EYS: variants seen among roughly 807,000 people sequenced by gnomAD.
EYS encodes protein eyes shut homolog.
Under a neutral mutation model 282.1 loss-of-function variants are expected in EYS, and 250 were observed. That is an observed-to-expected ratio of 0.89 (90% CI 0.80 to 0.98). The LOEUF (loss-of-function observed/expected upper bound fraction) is 0.98, where lower values mean the gene tolerates loss of function less well. EYS is among the 50% of genes least tolerant of loss of function. The pLI is 0.00. For missense variants in EYS, 4,016 were observed against 3,709.0 expected, an observed-to-expected ratio of 1.08 and a Z score of -2.15; for synonymous variants, 1,355 against 1,282.9, an observed-to-expected ratio of 1.06 and a Z score of -1.20.
intron 31 of EYS, among the ~76,000 whole-genome samples, chr6:64,216,052 A>C (rs1198087902): frequency 1.3e-5 from 2 of 152,216 alleles, no homozygotes; most frequent in African/African-American, 4.8e-5. Flanking sequence ...CTAGGTTTGG[A>C]TGGCAGGAGG....
intron 31 of EYS, among the ~76,000 whole-genome samples, chr6:64,112,086 T>C (rs182749562): frequency 6.6e-6 from 1 of 152,236 alleles, no homozygotes; most frequent in African/African-American, 2.4e-5. Context: ...TTTCAGGCTT[T>C]ATTTCACCTG....
At chr6:65,271,469 C>T (rs574295619) in intron 12 of EYS, among the ~76,000 whole-genome samples, 11 of 152,076 alleles carry the variant, frequency 7.2e-5, no homozygotes, top group African/African-American at 2.6e-4. Flanking sequence ...CTTTACTCAG[C>T]CCACCAATTC....
intron 18 of EYS, among the ~76,000 whole-genome samples, chr6:64,893,381 T>G (rs370693828): frequency 6.6e-6 from 1 of 152,108 alleles, no homozygotes; most frequent in Admixed American, 6.6e-5. Context: ...CCATGAGGCA[T>G]GTATGTAGTA....
At chr6:65,439,879 T>C (rs1039970388) in intron 5 of EYS, among the ~76,000 whole-genome samples, 3 of 152,046 alleles carry the variant, frequency 2.0e-5, no homozygotes, top group African/African-American at 7.2e-5. Flanking sequence ...TGGATCTATC[T>C]TTAAACAGCA....
At chr6:65,608,266 T>C (rs1463379449) in intron 2 of EYS, among the ~76,000 whole-genome samples, 1 of 152,020 alleles carries the variant, frequency 6.6e-6, no homozygotes, top group Non-Finnish European at 1.5e-5. Context: ...GAGACAACTG[T>C]ATCACATGGT....
chr6:64,318,083 C>T (rs191782485), intron 29 of EYS, among the ~76,000 whole-genome samples: 114 of 151,892 alleles, frequency 7.5e-4, no homozygotes, highest in Admixed American at 1.3e-3. Context: ...AAGTTGATGG[C>T]GGGTTGATGG....
chr6:64,900,157 T>C (rs1242499167), intron 18 of EYS, among the ~76,000 whole-genome samples: 1 of 152,042 alleles, frequency 6.6e-6, no homozygotes. Flanking sequence ...ATAAATAGTG[T>C]TGGGAAAACT....
intron 31 of EYS, among the ~76,000 whole-genome samples, chr6:64,137,029 C>T (rs921277091): frequency 5.9e-5 from 9 of 152,122 alleles, no homozygotes; most frequent in African/African-American, 2.2e-4. Context: ...TTTAGTGTAA[C>T]GACCTTCATC....
intron 8 of EYS, among the ~76,000 whole-genome samples, chr6:65,382,457 C>CTGTGTG (rs55949006): frequency 0.12 from 13,797 of 111,502 alleles, 844 homozygotes; most frequent in Admixed American, 0.19. Flanking sequence ...CTCCTTTCCT[C>CTGTGTG]TGTGTGTGTG....
At chr6:65,168,431 G>C (rs1765026011) in intron 12 of EYS, among the ~76,000 whole-genome samples, 1 of 151,164 alleles carries the variant, frequency 6.6e-6, no homozygotes, top group African/African-American at 2.4e-5. Context: ...CCAAGATCAA[G>C]GCACCAGCAG....
At chr6:65,093,893 T>A (rs1359960887) in intron 12 of EYS, among the ~76,000 whole-genome samples, 1 of 151,736 alleles carries the variant, frequency 6.6e-6, no homozygotes, top group Non-Finnish European at 1.5e-5. Context: ...GAAACCCACC[T>A]TAGCTTTAAG....
intron 22 of EYS, among the ~76,000 whole-genome samples, chr6:64,659,112 G>A (rs1768886441): frequency 6.6e-6 from 1 of 151,896 alleles, no homozygotes; most frequent in South Asian, 2.1e-4. Context: ...CATGGAAACT[G>A]AACAACCTGC....
At chr6:64,002,516 C>A (rs1265281295) in intron 33 of EYS, among the ~76,000 whole-genome samples, 1 of 152,168 alleles carries the variant, frequency 6.6e-6, no homozygotes, top group East Asian at 1.9e-4. Flanking sequence ...GTCACAGACT[C>A]CCACCCCTAG....
chr6:64,782,981 T>C (rs1001999275), intron 22 of EYS, among the ~76,000 whole-genome samples: 1 of 152,148 alleles, frequency 6.6e-6, no homozygotes, highest in African/African-American at 2.4e-5. Context: ...AAATAAACAA[T>C]TCATAACTTT....
chr6:65,084,970 A>C (rs1774326275), intron 12 of EYS, among the ~76,000 whole-genome samples: 1 of 152,120 alleles, frequency 6.6e-6, no homozygotes, highest in Non-Finnish European at 1.5e-5. Context: ...AAGGGAGAGC[A>C]TCTGGGGGTT....
chr6:64,945,116 T>C lies in EYS; in HGVS notation c.2381+677A>G, dbSNP rs368066464. Among the ~76,000 whole-genome samples the C allele has an allele frequency of 4.7e-5, 7 of 147,730 alleles. No individual in the cohort carries two copies. In the South Asian group the frequency reaches 1.1e-3, roughly 23 times the overall value. ...GCCGGTCCCCTGGGCCCACTGTTGT[T>C]TCTCTATTAAAAAAAAAAAAAAAAA... On this transcript the variant is annotated intron_variant, in intron 15 of 42. Transcript: ENST00000503581.
chr6:65,342,217 CTT>C (rs912767068), intron 10 of EYS, among the ~76,000 whole-genome samples: 3 of 148,378 alleles, frequency 2.0e-5, no homozygotes, highest in Non-Finnish European at 4.5e-5. Context: ...ATAAATGACA[CTT>C]CAGAAAAATT....
intron 31 of EYS, among the ~76,000 whole-genome samples, chr6:64,206,830 A>C (rs1016733300): frequency 6.6e-6 from 1 of 152,104 alleles, no homozygotes; most frequent in Non-Finnish European, 1.5e-5. Flanking sequence ...AAACATGTTA[A>C]TTTTTTTTAA....
Position 65,120,933 on chromosome 6 carries a change from T to C in EYS, c.2024-63206A>G, listed in dbSNP as rs1775529532. Among the ~76,000 whole-genome samples the C allele has an allele frequency of 2.0e-5, 3 of 152,158 alleles. No individual in the cohort carries two copies. In the South Asian group the frequency reaches 6.2e-4, roughly 31 times the overall value. On this transcript the variant is annotated intron_variant, in intron 12 of 42. Coordinates refer to ENST00000503581, the MANE Select transcript of EYS (RefSeq NM_001142800.2). The stretch of plus-strand genomic sequence containing the variant: ...CAAGAAACAAGACTACATTTATATG[T>C]CTATTTTAAATATCTGGTTTTCATC...
Sources: gnomAD v4.1 joint callset for allele counts (sites outside exome capture counted in the v4.1 genomes callset) on GRCh38, gnomAD v4.1.1 for gene constraint, MANE v1.5 for transcripts, NCBI Gene and HGNC (gene_info 2026-07-23, HGNC 2026-07-21) for gene names.